Variants in RNF185 observed in about 807,000 individuals in gnomAD.
RNF185 encodes the protein ring finger protein 185, also known as E3 ubiquitin-protein ligase RNF185.
Under a neutral mutation model 24.9 loss-of-function variants are expected in RNF185, and 13 were observed. That is an observed-to-expected ratio of 0.52 (90% CI 0.34 to 0.83). RNF185 has a LOEUF of 0.83. Ranked by LOEUF, RNF185 falls within the 40% of genes least tolerant of loss-of-function variation. The pLI is 0.01. For missense variants in RNF185, 184 were observed against 244.7 expected (o/e 0.75, Z 1.65); for synonymous variants, 79 against 90.3 (o/e 0.88, Z 0.71).
At position 31,205,184 on chromosome 22, in the gene RNF185, C is replaced by G. The variant is rs1466249170; in HGVS notation, c.*598C>G. On this transcript the variant is annotated 3_prime_UTR_variant, in exon 7 of 7. Coordinates refer to ENST00000326132, the MANE Select transcript of RNF185 (RefSeq NM_152267.4). ...GCAGTAGCTAAAGCTGGGGTCACTT[C>G]GTGAATTCACCAGAGACTCAAAGAT... 5.8e-6 allele frequency: 1 copy of G among 171,636 alleles called. No individual in the cohort carries two copies. The highest frequency in any genetic ancestry group is 1.4e-5 in the Non-Finnish European group (1 of 69,046). The allele number at this position is 171,636 out of a possible 1,614,324, so 10.6% of individuals were successfully genotyped here. A position where few individuals can be genotyped will look rare whatever the true frequency, so the allele number is the denominator to read the frequency against.
chr22:31,173,570 C>G (rs772457161), intron 1 of RNF185, among the ~76,000 whole-genome samples: 1 of 152,110 alleles, frequency 6.6e-6, no homozygotes, highest in Non-Finnish European at 1.5e-5. Context: ...AGGACGTTGG[C>G]TTGGGTTGGG....
At chr22:31,181,708 C>T (rs1177733224) in intron 1 of RNF185, among the ~76,000 whole-genome samples, 1 of 152,022 alleles carries the variant, frequency 6.6e-6, no homozygotes, top group Admixed American at 6.6e-5. Flanking sequence ...TTTGTAGGGA[C>T]GTGGATGAAG....
At chr22:31,165,851 C>T (rs1468718149) in intron 1 of RNF185, among the ~76,000 whole-genome samples, 3 of 152,212 alleles carry the variant, frequency 2.0e-5, no homozygotes, top group Non-Finnish European at 4.4e-5. Flanking sequence ...GGACTAGCTG[C>T]TCATAGCTAC....
At chr22:31,194,509 C>T (rs1394543713) in intron 3 of RNF185, among the ~76,000 whole-genome samples, 1 of 152,022 alleles carries the variant, frequency 6.6e-6, no homozygotes, top group African/African-American at 2.4e-5. Flanking sequence ...GGAGGAAGAT[C>T]ACGAGGTCAG....
intron 5 of RNF185, among the ~76,000 whole-genome samples, chr22:31,198,318 T>A (rs1250004536): frequency 6.6e-6 from 1 of 152,130 alleles, no homozygotes; most frequent in Non-Finnish European, 1.5e-5. Flanking sequence ...TAATTTGGGT[T>A]TTCCTCATCG....
intron 3 of RNF185, among the ~76,000 whole-genome samples, chr22:31,195,070 A>G (rs1329800813): frequency 6.6e-6 from 1 of 151,910 alleles, no homozygotes; most frequent in African/African-American, 2.4e-5. Context: ...CTCCTCCCTC[A>G]GCCTCCCGAG....
chr22:31,163,823 G>A (rs930105031), intron 1 of RNF185, among the ~76,000 whole-genome samples: 2 of 151,750 alleles, frequency 1.3e-5, no homozygotes, highest in Admixed American at 1.3e-4. Context: ...ACAGGTGCAC[G>A]CCACCTTGCC....
intron 2 of RNF185, among the ~76,000 whole-genome samples, chr22:31,191,490 G>C (rs923653403): frequency 5.3e-5 from 8 of 152,188 alleles, no homozygotes; most frequent in African/African-American, 1.9e-4. Context: ...GGCCTACATA[G>C]TAGGTACACA....
At chr22:31,198,814 G>T (rs1410279414) in intron 5 of RNF185, among the ~76,000 whole-genome samples, 1 of 146,550 alleles carries the variant, frequency 6.8e-6, no homozygotes, top group Non-Finnish European at 1.5e-5. Flanking sequence ...AAGGTTCTCG[G>T]CTGGGCGTGG....
intron 2 of RNF185, among the ~76,000 whole-genome samples, chr22:31,190,024 T>C (rs2048141410): frequency 6.6e-6 from 1 of 152,208 alleles, no homozygotes. Context: ...TTTCCTCATC[T>C]GTAAGATGGA....
chr22:31,184,490 C>T (rs1307452983), intron 1 of RNF185, among the ~76,000 whole-genome samples: 1 of 152,084 alleles, frequency 6.6e-6, no homozygotes, highest in Non-Finnish European at 1.5e-5. Context: ...CAGGCAGAGA[C>T]GCTCCTCACT....
chr22:31,168,317 G>C (rs1313026586), intron 1 of RNF185, among the ~76,000 whole-genome samples: 1 of 152,190 alleles, frequency 6.6e-6, no homozygotes, highest in African/African-American at 2.4e-5. Context: ...ACTGCACCCA[G>C]CTTAGTATTT....
At chr22:31,193,479 C>A (rs965650559) in intron 3 of RNF185, among the ~76,000 whole-genome samples, 2 of 152,142 alleles carry the variant, frequency 1.3e-5, no homozygotes, top group African/African-American at 4.8e-5. Context: ...GTCCTAGATT[C>A]ATGTTTATAG....
intron 6 of RNF185, among the ~76,000 whole-genome samples, chr22:31,203,881 CA>C (rs1008373007): frequency 6.8e-5 from 10 of 146,764 alleles, no homozygotes; most frequent in East Asian, 4.0e-4. Context: ...ACTAAAAATA[CA>C]AAAAAAAAAT....
intron 3 of RNF185, 101 bp from the exon 4 acceptor site, chr22:31,195,368 T>TC: frequency 1.5e-6 from 1 of 664,382 alleles, no homozygotes; most frequent in Non-Finnish European, 2.6e-6. Context: ...TGCTGGTGTT[T>TC]CCCAGTTTGA....
At chr22:31,192,773 A>T (rs1460310629) in intron 3 of RNF185, 71 bp downstream of exon 3, 1 of 1,445,020 alleles carries the variant, frequency 6.9e-7, no homozygotes, top group African/African-American at 1.4e-5. Flanking sequence ...GTCTCAGGAG[A>T]CTGCTTTCAG....
intron 1 of RNF185, among the ~76,000 whole-genome samples, chr22:31,164,384 A>T (rs1923775064): frequency 6.6e-6 from 1 of 152,240 alleles, no homozygotes; most frequent in South Asian, 2.1e-4. Context: ...AAAACTGTAC[A>T]TAATTATATC....
At chr22:31,176,603 C>T (rs974551471) in intron 1 of RNF185, among the ~76,000 whole-genome samples, 13 of 151,818 alleles carry the variant, frequency 8.6e-5, no homozygotes, top group Admixed American at 2.0e-4. Context: ...ATTCTCCTGC[C>T]TCAGCCTCCC....
intron 5 of RNF185, among the ~76,000 whole-genome samples, chr22:31,200,616 G>T (rs2048252190): frequency 6.6e-6 from 1 of 152,228 alleles, no homozygotes; most frequent in Admixed American, 6.5e-5. Context: ...ATCTTTTCAT[G>T]TGAAAGATGA....
Sources: gnomAD v4.1 joint callset for allele counts (sites outside exome capture counted in the v4.1 genomes callset) on GRCh38, gnomAD v4.1.1 for gene constraint, MANE v1.5 for transcripts, NCBI Gene and HGNC (gene_info 2026-07-23, HGNC 2026-07-21) for gene names.